The following ZNF469 variants were observed in gnomAD, a reference collection of about 807,000 sequenced individuals.
ZNF469 encodes zinc finger protein 469.
A neutral mutation model predicts 1.0 loss-of-function variants in ZNF469; 1 was observed. The ratio of observed to expected loss-of-function variants is 1.00; its 90% CI spans 0.35 to 4.73. The LOEUF is 4.73. Among genes scored for constraint, ZNF469 ranks in the 30% most tolerant of loss-of-function variants. The probability of loss-of-function intolerance (pLI) is 0.16; values close to 1 mark genes in which losing one functional copy is unlikely to be tolerated. For synonymous variants in ZNF469, 2,703 were observed against 2,363.4 expected, an observed-to-expected ratio of 1.14 and a Z score of -4.17; for missense variants, 6,100 against 5,356.3, an observed-to-expected ratio of 1.14 and a Z score of -4.33.
chr16:88,234,214 T>C, the ZNF469 span, among the ~76,000 whole-genome samples: 1 of 152,224 alleles, frequency 6.6e-6, no homozygotes, highest in Non-Finnish European at 1.5e-5. Context: ...TGCGTTTTTC[T>C]AGTAAGGCCC....
chr16:88,290,434 G>C, the ZNF469 span, among the ~76,000 whole-genome samples: 1 of 152,140 alleles, frequency 6.6e-6, no homozygotes, highest in South Asian at 2.1e-4. Context: ...TCCTTAAGCA[G>C]ATCTGTTATC....
the ZNF469 span, among the ~76,000 whole-genome samples, chr16:88,227,397 C>G: frequency 6.6e-6 from 1 of 152,128 alleles, no homozygotes; most frequent in Non-Finnish European, 1.5e-5. Flanking sequence ...CCCACCCCTT[C>G]TCTCTGTCTC....
the ZNF469 span, among the ~76,000 whole-genome samples, chr16:88,122,444 T>C: frequency 7.9e-4 from 117 of 147,244 alleles, no homozygotes; most frequent in African/African-American, 2.8e-3. Context: ...ACTCCGTCAC[T>C]CGCTACGGCC....
intron 1 of ZNF469, among the ~76,000 whole-genome samples, chr16:88,408,299 C>A (rs1905067188): frequency 6.6e-6 from 1 of 152,204 alleles, no homozygotes; most frequent in South Asian, 2.1e-4. Context: ...CTACAGGCAC[C>A]CACCACCACG....
At chr16:88,312,455 A>C in the ZNF469 span, among the ~76,000 whole-genome samples, 1 of 152,114 alleles carries the variant, frequency 6.6e-6, no homozygotes, top group African/African-American at 2.4e-5. Flanking sequence ...CTGATATATA[A>C]GTTGCCAAAT....
chr16:88,436,469 T>C lies in ZNF469; in HGVS notation c.8999T>C (p.Leu3000Pro). The change falls in exon 3 of 3, where the codon CTG becomes CCG. Residue 3000 changes from leucine (L) to proline (P), a missense_variant. Physicochemically the swap from Leu to Pro is moderately conservative, Grantham distance 98. Transcript: ENST00000565624. ...ATGGTCCCAGCGGCTTGGCGAGGCC[T>C]GGAGATGCCGGCCCCTGCCGATGAC... ...LHMVPAAWRG[L>P]EMPAPADDSS... 6.5e-7 allele frequency: 1 copy of C among 1,546,832 alleles called. No individual in the cohort carries two copies. The highest frequency in any genetic ancestry group is 1.2e-5 in the South Asian group (1 of 84,060).
chr16:88,229,528 GCT>G, the ZNF469 span, among the ~76,000 whole-genome samples: 1 of 150,948 alleles, frequency 6.6e-6, no homozygotes, highest in South Asian at 2.1e-4. Flanking sequence ...GTGCGTGTGT[GCT>G]GATGTCACGC....
intron 1 of ZNF469, among the ~76,000 whole-genome samples, chr16:88,412,285 C>A (rs1469191421): frequency 6.6e-6 from 1 of 152,246 alleles, no homozygotes; most frequent in Non-Finnish European, 1.5e-5. Flanking sequence ...GACACAGCCA[C>A]CCAGTGCCCA....
the ZNF469 span, among the ~76,000 whole-genome samples, chr16:88,368,229 C>T: frequency 2.6e-5 from 4 of 152,316 alleles, no homozygotes; most frequent in Middle Eastern, 3.4e-3. Flanking sequence ...GGTTGGAGTC[C>T]GGAGCCAGTC....
the ZNF469 span, among the ~76,000 whole-genome samples, chr16:88,368,365 T>C: frequency 6.2e-4 from 94 of 152,336 alleles, no homozygotes; most frequent in African/African-American, 2.1e-3. Flanking sequence ...TCAGCTCTGA[T>C]GGAGGCCGAG....
At chr16:88,184,804 G>C in the ZNF469 span, among the ~76,000 whole-genome samples, 4 of 152,336 alleles carry the variant, frequency 2.6e-5, no homozygotes, top group African/African-American at 9.6e-5. Context: ...CGCTGCAAGT[G>C]CTGCCAGGGT....
the ZNF469 span, among the ~76,000 whole-genome samples, chr16:88,140,474 A>ACGT: frequency 7.6e-6 from 1 of 132,334 alleles, no homozygotes; most frequent in African/African-American, 4.4e-5. Context: ...GTAGCACGGA[A>ACGT]AGTCAGTGAC....
chr16:88,112,980 G>T, the ZNF469 span, among the ~76,000 whole-genome samples: 1 of 151,742 alleles, frequency 6.6e-6, no homozygotes, highest in African/African-American at 2.4e-5. Context: ...GGGTTTCACC[G>T]TGTTAGCCAG....
the ZNF469 span, among the ~76,000 whole-genome samples, chr16:88,121,890 C>T: frequency 1.2e-4 from 18 of 152,350 alleles, no homozygotes; most frequent in Admixed American, 3.3e-4. Flanking sequence ...CTCGTGGTAA[C>T]GCGTACAGAG....
At chr16:88,304,654 A>G in the ZNF469 span, among the ~76,000 whole-genome samples, 1 of 152,232 alleles carries the variant, frequency 6.6e-6, no homozygotes, top group Non-Finnish European at 1.5e-5. Context: ...AGCCAAGAGC[A>G]TAAAAAGGCA....
the ZNF469 span, among the ~76,000 whole-genome samples, chr16:88,138,506 T>C: frequency 5.9e-5 from 9 of 152,236 alleles, no homozygotes; most frequent in Non-Finnish European, 1.2e-4. Flanking sequence ...GATTGAATAG[T>C]AGAAAAGTCA....
the ZNF469 span, among the ~76,000 whole-genome samples, chr16:88,142,889 G>A: frequency 1.4e-4 from 22 of 152,150 alleles, no homozygotes; most frequent in South Asian, 4.6e-3. Flanking sequence ...GGATGGCATC[G>A]TCACCCTCCA....
chr16:88,321,937 G>A, the ZNF469 span, among the ~76,000 whole-genome samples: 1 of 152,230 alleles, frequency 6.6e-6, no homozygotes, highest in Non-Finnish European at 1.5e-5. Flanking sequence ...GGGCTCAGTG[G>A]CCACAGGATG....
the ZNF469 span, among the ~76,000 whole-genome samples, chr16:88,328,734 G>C: frequency 6.6e-6 from 1 of 152,214 alleles, no homozygotes; most frequent in Non-Finnish European, 1.5e-5. Context: ...AGTGCAATGG[G>C]AGAGGGTGCG....
Sources: allele counts gnomAD v4.1 joint callset (sites outside exome capture counted in the v4.1 genomes callset), GRCh38; gene constraint gnomAD v4.1.1; transcripts MANE v1.5; gene names NCBI Gene and HGNC (gene_info 2026-07-23, HGNC 2026-07-21).